ANTXR1: variants seen among roughly 807,000 people sequenced by gnomAD.
ANTXR1 encodes ANTXR cell adhesion molecule 1.
ANTXR1 carries 19 observed loss-of-function variants against 78.1 expected under a neutral mutation model. The ratio of observed to expected loss-of-function variants is 0.24; its 90% CI spans 0.17 to 0.36. The LOEUF is 0.36. Among genes scored for constraint, ANTXR1 ranks in the 10% least tolerant of loss-of-function variants. ANTXR1 has a pLI of 1.00. For missense variants in ANTXR1, 518 were observed against 718.6 expected (o/e 0.72, Z 3.19); for synonymous variants, 273 against 260.5 (o/e 1.05, Z -0.46).
intron 10 of ANTXR1, among the ~76,000 whole-genome samples, chr2:69,110,762 T>C (rs1573891091): frequency 2.0e-5 from 3 of 151,992 alleles, no homozygotes; most frequent in African/African-American, 7.2e-5. Context: ...CTCGGGAGGC[T>C]GAGGCAGGAG....
intron 9 of ANTXR1, among the ~76,000 whole-genome samples, chr2:69,091,359 T>C (rs1053961539): frequency 2.0e-5 from 3 of 148,250 alleles, no homozygotes; most frequent in Non-Finnish European, 4.4e-5. Context: ...GAGAATCTCT[T>C]GAACCCGGGA....
chr2:69,113,228 C>T (rs1477510852), intron 10 of ANTXR1, among the ~76,000 whole-genome samples: 8 of 152,166 alleles, frequency 5.3e-5, no homozygotes, highest in African/African-American at 1.4e-4. Context: ...TTGGCATCCC[C>T]CTCTATTTCT....
chr2:69,059,407 G>T (rs973175216), intron 3 of ANTXR1, among the ~76,000 whole-genome samples: 1 of 152,148 alleles, frequency 6.6e-6, no homozygotes, highest in Non-Finnish European at 1.5e-5. Flanking sequence ...ACCAGCAAAA[G>T]ATTATGATTC....
At chr2:69,126,809 G>C (rs58808189) in intron 12 of ANTXR1, among the ~76,000 whole-genome samples, 9,373 of 152,238 alleles carry the variant, frequency 0.062, 357 homozygotes, top group Middle Eastern at 0.082. Flanking sequence ...CCAACCCACG[G>C]CAGCCTCCAG....
chr2:69,018,882 G>A (rs1227680292), intron 1 of ANTXR1, among the ~76,000 whole-genome samples: 1 of 152,132 alleles, frequency 6.6e-6, no homozygotes, highest in African/African-American at 2.4e-5. Context: ...TGGTGCATAA[G>A]GCGATTAAAG....
intron 12 of ANTXR1, chr2:69,135,068 A>C (rs2104404519): frequency 2.5e-6 from 1 of 404,930 alleles, no homozygotes; most frequent in Middle Eastern, 3.5e-4. Context: ...CGGAACTCAG[A>C]TCTCAAATAT....
At chr2:69,041,264 C>T (rs1362450058) in intron 2 of ANTXR1, among the ~76,000 whole-genome samples, 1 of 152,186 alleles carries the variant, frequency 6.6e-6, no homozygotes, top group African/African-American at 2.4e-5. Flanking sequence ...TCCTAGGAGG[C>T]ATTGTGTAAC....
At chr2:69,210,678 G>A (rs760954233) in intron 17 of ANTXR1, among the ~76,000 whole-genome samples, 2 of 152,238 alleles carry the variant, frequency 1.3e-5, no homozygotes, top group African/African-American at 2.4e-5. Context: ...GCTCAGGCCT[G>A]TAATCCCAGC....
At chr2:69,096,299 AG>A (rs1558541206) in intron 9 of ANTXR1, among the ~76,000 whole-genome samples, 53 of 3,080 alleles carry the variant, frequency 0.017, 5 homozygotes, top group African/African-American at 0.067. Context: ...GGAGGAAGGG[AG>A]GAAGGGAGGA....
chr2:69,075,170 G>A (rs1476223976), intron 6 of ANTXR1, among the ~76,000 whole-genome samples: 1 of 152,168 alleles, frequency 6.6e-6, no homozygotes, highest in Non-Finnish European at 1.5e-5. Flanking sequence ...ACAATACAGA[G>A]TAAAGCCAGG....
At chr2:69,049,821 T>C (rs1044079873) in intron 3 of ANTXR1, among the ~76,000 whole-genome samples, 2 of 152,318 alleles carry the variant, frequency 1.3e-5, no homozygotes, top group African/African-American at 2.4e-5. Flanking sequence ...TTATGCATTT[T>C]ATTGGATGCT....
intron 16 of ANTXR1, among the ~76,000 whole-genome samples, chr2:69,191,822 G>A (rs1674552529): frequency 6.6e-6 from 1 of 152,226 alleles, no homozygotes. Flanking sequence ...ATGTGATTTG[G>A]AATTAGACAG....
At chr2:69,033,910 C>T (rs1671601518) in intron 1 of ANTXR1, among the ~76,000 whole-genome samples, 1 of 152,168 alleles carries the variant, frequency 6.6e-6, no homozygotes, top group African/African-American at 2.4e-5. Context: ...TGGAAAGAGC[C>T]TGTGTTTTCT....
intron 10 of ANTXR1, among the ~76,000 whole-genome samples, chr2:69,113,718 A>G (rs1672059263): frequency 6.6e-6 from 1 of 152,208 alleles, no homozygotes; most frequent in African/African-American, 2.4e-5. Flanking sequence ...TTCCAAAGGT[A>G]AAATTATTCC....
intron 9 of ANTXR1, among the ~76,000 whole-genome samples, chr2:69,102,122 T>G (rs1317562904): frequency 6.6e-6 from 1 of 152,242 alleles, no homozygotes; most frequent in East Asian, 1.9e-4. Context: ...AGGTAGTGCT[T>G]GGCAACTGAC....
intron 8 of ANTXR1, chr2:69,090,549 C>T (rs1339776234): frequency 4.7e-6 from 2 of 424,964 alleles, no homozygotes; most frequent in Non-Finnish European, 8.7e-6. Flanking sequence ...AGTCCCATTT[C>T]CGCAACCCTA....
intron 10 of ANTXR1, among the ~76,000 whole-genome samples, chr2:69,120,145 G>A (rs1399315700): frequency 6.6e-6 from 1 of 152,186 alleles, no homozygotes; most frequent in Non-Finnish European, 1.5e-5. Context: ...CTATGGTTGG[G>A]CAAAATCATC....
At chr2:69,224,971 C>A (rs944065145) in intron 17 of ANTXR1, among the ~76,000 whole-genome samples, 1 of 146,194 alleles carries the variant, frequency 6.8e-6, no homozygotes, top group Non-Finnish European at 1.5e-5. Flanking sequence ...TAGAGTGTCA[C>A]CCTCCCTCCG....
At chr2:69,203,858 A>T (rs569111164) in intron 17 of ANTXR1, among the ~76,000 whole-genome samples, 1 of 152,344 alleles carries the variant, frequency 6.6e-6, no homozygotes, top group African/African-American at 2.4e-5. Context: ...CAACAACAGA[A>T]GGTCGAGTCC....
Sources: gnomAD v4.1 joint callset for allele counts (sites outside exome capture counted in the v4.1 genomes callset) on GRCh38, gnomAD v4.1.1 for gene constraint, MANE v1.5 for transcripts, NCBI Gene and HGNC (gene_info 2026-07-23, HGNC 2026-07-21) for gene names.